The following CNBD1 variants were observed in gnomAD, a reference collection of about 807,000 sequenced individuals.
CNBD1 encodes cyclic nucleotide binding domain containing 1.
In CNBD1, 71 loss-of-function variants were observed where a neutral mutation model predicts 54.4. That is an observed-to-expected ratio of 1.30 (90% CI 1.08 to 1.59). CNBD1 has a LOEUF of 1.59. CNBD1 is among the 40% of genes most tolerant of loss of function. The pLI, the probability that CNBD1 is intolerant of heterozygous loss-of-function variation, is 0.00. For missense variants in CNBD1, 659 were observed against 518.0 expected, an observed-to-expected ratio of 1.27 and a Z score of -2.64; for synonymous variants, 182 against 170.7, an observed-to-expected ratio of 1.07 and a Z score of -0.51.
At chr8:87,228,179 G>T (rs1814554969) in intron 5 of CNBD1, among the ~76,000 whole-genome samples, 1 of 149,948 alleles carries the variant, frequency 6.7e-6, no homozygotes, top group Non-Finnish European at 1.5e-5. Context: ...CTTTGCCTTT[G>T]GTTTGAATGT....
At chr8:87,302,063 G>A (rs1809010568) in intron 8 of CNBD1, among the ~76,000 whole-genome samples, 1 of 152,100 alleles carries the variant, frequency 6.6e-6, no homozygotes, top group African/African-American at 2.4e-5. Flanking sequence ...AGAGGTACAA[G>A]GAGGAGCTGG....
chr8:87,298,634 A>G (rs1808926364), intron 8 of CNBD1, among the ~76,000 whole-genome samples: 2 of 151,812 alleles, frequency 1.3e-5, no homozygotes, highest in South Asian at 2.1e-4. Flanking sequence ...ACAGGCTCCC[A>G]CCATGAAGCC....
chr8:86,971,826 T>C (rs1310756655), intron 4 of CNBD1, among the ~76,000 whole-genome samples: 1 of 152,216 alleles, frequency 6.6e-6, no homozygotes, highest in East Asian at 1.9e-4. Flanking sequence ...GAACACATAT[T>C]AATTCTAAAC....
chr8:86,959,022 G>T (rs1412868182), intron 4 of CNBD1, among the ~76,000 whole-genome samples: 1 of 152,166 alleles, frequency 6.6e-6, no homozygotes, highest in East Asian at 1.9e-4. Context: ...CTTCCTCCAG[G>T]AGTTCTTGTA....
At chr8:87,121,320 A>T (rs557433230) in intron 4 of CNBD1, among the ~76,000 whole-genome samples, 246 of 151,850 alleles carry the variant, frequency 1.6e-3, no homozygotes, top group African/African-American at 5.8e-3. Flanking sequence ...AAATTAGACT[A>T]CAAAATTGTA....
chr8:87,062,334 T>C (rs944399976), intron 4 of CNBD1, among the ~76,000 whole-genome samples: 1 of 152,188 alleles, frequency 6.6e-6, no homozygotes, highest in African/African-American at 2.4e-5. Context: ...TGTTTGCATG[T>C]AAGTGAGCTT....
At chr8:86,993,995 A>G (rs1223485135) in intron 4 of CNBD1, among the ~76,000 whole-genome samples, 1 of 152,136 alleles carries the variant, frequency 6.6e-6, no homozygotes, top group Non-Finnish European at 1.5e-5. Flanking sequence ...AGGTCGTGGC[A>G]GGGAGGTAGG....
intron 6 of CNBD1, among the ~76,000 whole-genome samples, chr8:87,274,256 C>T (rs1400026908): frequency 1.3e-5 from 2 of 150,314 alleles, no homozygotes; most frequent in East Asian, 2.0e-4. Flanking sequence ...TTTATAGCAG[C>T]ATGATTTATA....
chr8:87,221,724 G>T lies in CNBD1; in HGVS notation c.578-15195G>T. 4.6e-5 allele frequency among the ~76,000 whole-genome samples: 7 copies of T among 152,138 alleles called. 1 individual carries two copies. The South Asian group carries it at 1.5e-3, about 32-fold the overall frequency. On this transcript the variant is annotated intron_variant, in intron 5 of 10. Transcript: ENST00000518476. The stretch of plus-strand genomic sequence containing the variant: ...ATTTATTTTTATTTTGGAACAGAGA[G>T]TATCAATATTTGAAGGCTATTTCAA...
At chr8:86,945,624 G>GAAGGGGGAT (rs2130436980) in intron 4 of CNBD1, among the ~76,000 whole-genome samples, 1 of 152,242 alleles carries the variant, frequency 6.6e-6, no homozygotes, top group Non-Finnish European at 1.5e-5. Context: ...CAATGGAGTG[G>GAAGGGGGAT]AAGGGGGATT....
intron 4 of CNBD1, among the ~76,000 whole-genome samples, chr8:87,130,179 A>G (rs1260307505): frequency 1.3e-5 from 2 of 152,164 alleles, no homozygotes; most frequent in Non-Finnish European, 2.9e-5. Flanking sequence ...CATATCAGTG[A>G]TTTTTAAAAA....
At chr8:86,964,988 T>C (rs1387350959) in intron 4 of CNBD1, among the ~76,000 whole-genome samples, 1 of 152,216 alleles carries the variant, frequency 6.6e-6, no homozygotes, top group Non-Finnish European at 1.5e-5. Flanking sequence ...TTCTTTTCTG[T>C]GCCTCAAGGT....
At chr8:87,425,670 G>C (rs1808033245) in intron 2 of CNBD1, among the ~76,000 whole-genome samples, 1 of 152,132 alleles carries the variant, frequency 6.6e-6, no homozygotes, top group African/African-American at 2.4e-5. Flanking sequence ...GAGGCAGTCT[G>C]CCCGTTCTCA....
chr8:87,423,494 GA>G, intron 2 of CNBD1, among the ~76,000 whole-genome samples: 1 of 151,596 alleles, frequency 6.6e-6, no homozygotes, highest in Non-Finnish European at 1.5e-5. Flanking sequence ...AAGGGTTGTT[GA>G]ATTTTGTCAA....
chr8:87,088,461 TGA>T (rs1775444147), intron 4 of CNBD1, among the ~76,000 whole-genome samples: 1 of 152,224 alleles, frequency 6.6e-6, no homozygotes, highest in Admixed American at 6.5e-5. Flanking sequence ...AAATCATTTA[TGA>T]GTTTACCACT....
intron 6 of CNBD1, among the ~76,000 whole-genome samples, chr8:87,264,416 T>G (rs368224974): frequency 1.7e-4 from 26 of 152,258 alleles, no homozygotes; most frequent in East Asian, 5.8e-4. Flanking sequence ...CATTTGGGTT[T>G]GTTCCAAGTC....
intron 4 of CNBD1, among the ~76,000 whole-genome samples, chr8:87,179,952 TG>T (rs1451207141): frequency 6.6e-6 from 1 of 152,230 alleles, no homozygotes; most frequent in Non-Finnish European, 1.5e-5. Context: ...AGGGCTAATT[TG>T]GAAGCTTGCC....
At chr8:87,346,066 A>T (rs1046410147) in intron 8 of CNBD1, among the ~76,000 whole-genome samples, 3 of 151,414 alleles carry the variant, frequency 2.0e-5, no homozygotes, top group Non-Finnish European at 4.4e-5. Flanking sequence ...GGGGGGACAG[A>T]GTTTCACTCT....
At chr8:86,906,593 T>G (rs1809021721) in intron 3 of CNBD1, among the ~76,000 whole-genome samples, 1 of 152,230 alleles carries the variant, frequency 6.6e-6, no homozygotes, top group African/African-American at 2.4e-5. Context: ...ATTCCAAGTA[T>G]ACTCAATTTC....
Sources: allele counts gnomAD v4.1 joint callset (sites outside exome capture counted in the v4.1 genomes callset), GRCh38; gene constraint gnomAD v4.1.1; transcripts MANE v1.5; gene names NCBI Gene and HGNC (gene_info 2026-07-23, HGNC 2026-07-21).